Variants in TNFRSF1A observed in about 807,000 individuals in gnomAD.
TNFRSF1A encodes TNF receptor superfamily member 1A.
A neutral mutation model predicts 41.6 loss-of-function variants in TNFRSF1A; 9 were observed. The observed-to-expected ratio is 0.22, with a 90% CI of 0.13 to 0.38. TNFRSF1A has a LOEUF of 0.38. TNFRSF1A is among the 10% of genes least tolerant of loss of function. The pLI, the probability that TNFRSF1A is intolerant of heterozygous loss-of-function variation, is 1.00. For synonymous variants in TNFRSF1A, 254 were observed against 248.6 expected, an observed-to-expected ratio of 1.02 and a Z score of -0.21; for missense variants, 463 against 591.5, an observed-to-expected ratio of 0.78 and a Z score of 2.25.
At chr12:6,336,136 C>T (rs1948117050) in intron 1 of TNFRSF1A, among the ~76,000 whole-genome samples, 1 of 152,158 alleles carries the variant, frequency 6.6e-6, no homozygotes, top group Non-Finnish European at 1.5e-5. Context: ...GGGCTTGAGG[C>T]AGAGTCATGA....
intron 1 of TNFRSF1A, among the ~76,000 whole-genome samples, chr12:6,336,865 G>A (rs1450527327): frequency 2.6e-5 from 4 of 152,236 alleles, no homozygotes; most frequent in African/African-American, 2.4e-5. Flanking sequence ...TGGGTTCACC[G>A]CATTCCCACA....
intron 7 of TNFRSF1A, 132 bp from the exon 8 acceptor site, chr12:6,330,427 C>G (rs755290223): frequency 4.7e-6 from 5 of 1,061,156 alleles, no homozygotes; most frequent in Non-Finnish European, 7.3e-6. Context: ...GAGAGAGCTA[C>G]TGATGCAGCT....
rs1948135375 is a variant in TNFRSF1A at position 6,337,417 on chromosome 12, G to T, written c.40-3173C>A. 6.6e-6 allele frequency among the ~76,000 whole-genome samples: 1 copy of T among 152,196 alleles called. No individual in the cohort carries two copies. Among genetic ancestry groups the T allele is most frequent in the Non-Finnish European group, 1.5e-5 (1 of 68,040 alleles). ...ACTTCCTGTGCTGGGGCTGCAGAGT[G>T]GGGAGGCGACGCTGAGATCGGCCTT... On this transcript the variant is annotated intron_variant, in intron 1 of 9. Coordinates refer to ENST00000162749, the MANE Select transcript of TNFRSF1A (RefSeq NM_001065.4). The surrounding 1 kb of genome is among the most constrained non-coding windows in gnomAD (Gnocchi z 4.6).
chr12:6,331,235 G>A (rs55797598), intron 5 of TNFRSF1A: 6 of 443,610 alleles, frequency 1.4e-5, no homozygotes, highest in East Asian at 9.4e-5. Flanking sequence ...CCCAAGCCTC[G>A]GTTTCCTCAT....
chr12:6,329,186 G>A lies in TNFRSF1A; in HGVS notation c.*126C>T, dbSNP rs995257005. 2.1e-5 allele frequency: 20 copies of A among 949,158 alleles called. No individual in the cohort carries two copies. The highest frequency in any genetic ancestry group is 3.0e-5 in the Non-Finnish European group (20 of 674,518). The allele number at this position is 949,158 out of a possible 1,614,324, so 58.8% of individuals were successfully genotyped here. A position where few individuals can be genotyped will look rare whatever the true frequency, so the allele number is the denominator to read the frequency against. ...TGAGAAAAGCTATGTACATCGAGGG[G>A]TTAGCACCAAGTAGGCGGCTGCTAG... On this transcript the variant is annotated 3_prime_UTR_variant, in exon 10 of 10. Coordinates refer to ENST00000162749, the MANE Select transcript of TNFRSF1A (RefSeq NM_001065.4).
rs1032130122 is a variant in TNFRSF1A at position 6,334,463 on chromosome 12, T to C, written c.40-219A>G. Among the ~76,000 whole-genome samples the C allele has an allele frequency of 2.6e-5, 4 of 152,120 alleles. No individual in the cohort carries two copies. The highest frequency in any genetic ancestry group is 9.7e-5 in the African/African-American group (4 of 41,418). ...GTTCTCTAGTTGTCCTGTGTGTTCA[T>C]TTTTGTTCCCTCAACTCAAAGCTAG... On this transcript the variant is annotated intron_variant, in intron 1 of 9. Coordinates refer to ENST00000162749, the MANE Select transcript of TNFRSF1A (RefSeq NM_001065.4). The surrounding 1 kb of genome is among the most constrained non-coding windows in gnomAD (Gnocchi z 5.1).
chr12:6,341,048 T>A lies in TNFRSF1A; in HGVS notation c.39+728A>T, dbSNP rs1241531493. 6.6e-6 allele frequency among the ~76,000 whole-genome samples: 1 copy of A among 152,116 alleles called. No homozygotes were observed. Among genetic ancestry groups the A allele is most frequent in the Non-Finnish European group, 1.5e-5 (1 of 67,994 alleles). On this transcript the variant is annotated intron_variant, in intron 1 of 9. Transcript: ENST00000162749. The surrounding 1 kb of genome is among the most constrained non-coding windows in gnomAD (Gnocchi z 4.6). Reference sequence around the variant, plus strand: ...CCAGGTGGGGGTAGGACTAGCTCCCTGGGAAGGCTCAGTCCCACAGCGGCT... The same window carrying A: ...CCAGGTGGGGGTAGGACTAGCTCCCAGGGAAGGCTCAGTCCCACAGCGGCT...
At position 6,329,421 on chromosome 12, in the gene TNFRSF1A, A is replaced by T; in HGVS notation, c.1259T>A (p.Leu420Gln). 1 of 1,581,182 alleles carries T rather than the reference A, an allele frequency of 6.3e-7. No individual in the cohort carries two copies. The highest frequency in any genetic ancestry group is 1.1e-5 in the South Asian group (1 of 89,088). The change falls in exon 10 of 10, where the codon CTG becomes CAG. Residue 420 changes from leucine to glutamine, a missense_variant. Physicochemically the swap from Leu to Gln is moderately radical, Grantham distance 113 (BLOSUM62 -2). Transcript: ENST00000162749. ...RTPRREATLE[L>Q]LGRVLRDMDL... ...CATGTCGCGGAGCACGCGTCCCAGC[A>T]GCTCCAGCGTGGCCTCGCGCCGCGG... is the stretch of plus-strand genomic sequence containing the variant.
Position 6,341,964 on chromosome 12 carries a change from C to G in TNFRSF1A, c.-150G>C. ...GGTTGAGACTCGGGCATAGAGATCA[C>G]GGCCTGGTCCCAGTGATCTTGAACC... On this transcript the variant is annotated 5_prime_UTR_variant, in exon 1 of 10. Transcript: ENST00000162749. The surrounding 1 kb of genome is among the most constrained non-coding windows in gnomAD (Gnocchi z 4.6). 5.2e-6 allele frequency: 4 copies of G among 769,380 alleles called. No homozygotes were observed. The South Asian group carries it at 5.8e-5, about 11-fold the overall frequency. 47.7% of individuals were successfully genotyped at this position (769,380 alleles called of 1,614,324 possible).
chr12:6,330,459 G>C (rs770844091), intron 7 of TNFRSF1A, 139 bp downstream of exon 7: 1 of 1,003,912 alleles, frequency 1.0e-6, no homozygotes, highest in Non-Finnish European at 1.6e-6. Flanking sequence ...CAGCCATCCA[G>C]GGCCACCTTC....
rs1948007859 is a variant in TNFRSF1A, at chr12:6,329,658, AC to A, written c.1058-37del. 4 of 1,565,344 alleles carry A rather than the reference AC, an allele frequency of 2.6e-6. No homozygotes were observed. The South Asian group carries it at 3.5e-5, about 14-fold the overall frequency. ...GCGGGCCGGTGAGCCTCGGGCGGCA[AC>A]CCCAGGCCCCGCCCCGCATCCCGCG... is the stretch of plus-strand genomic sequence containing the variant. On this transcript the variant is annotated intron_variant, in intron 9 of 9. Transcript: ENST00000162749.
rs1387886951 is a variant in TNFRSF1A at position 6,330,698 on chromosome 12, C to T, written c.639G>A (p.Leu213=). The change falls in exon 7 of 10, where the codon CTG becomes CTA. Residue 213 remains leucine, a synonymous_variant. Coordinates refer to ENST00000162749, the MANE Select transcript of TNFRSF1A (RefSeq NM_001065.4). Reference sequence around the variant, plus strand: ...GACCAAAGAAAATGACCAGGGGCAACAGCACTGTGGTGCCTGCAGACAAAG... The same window carrying T: ...GACCAAAGAAAATGACCAGGGGCAATAGCACTGTGGTGCCTGCAGACAAAG... ...KGTEDSGTTV[L]LPLVIFFGLC... 2.5e-6 allele frequency: 4 copies of T among 1,613,724 alleles called. No homozygotes were observed. The highest frequency in any genetic ancestry group is 3.4e-6 in the Non-Finnish European group (4 of 1,179,672).
At position 6,333,474 on chromosome 12, in the gene TNFRSF1A, TCC is replaced by T; in HGVS notation, c.363_364del (p.Asp122HisfsTer16). 6.2e-7 allele frequency: 1 copy of T among 1,614,104 alleles called. No individual in the cohort carries two copies. Among genetic ancestry groups the T allele is most frequent in the Non-Finnish European group, 8.5e-7 (1 of 1,180,002 alleles). On this transcript the variant is annotated frameshift_variant, in exon 4 of 10. Coordinates refer to ENST00000162749, the MANE Select transcript of TNFRSF1A (RefSeq NM_001065.4). LOFTEE classifies it high-confidence loss of function. The surrounding 1 kb of genome is among the most constrained non-coding windows in gnomAD (Gnocchi z 6.3). ...GTTCTTCCTGCAGCCACACACGGTG[TCC>T]CGGTCCACTGTGCAAGAAGAGATCT...
chr12:6,334,116 C>A lies in TNFRSF1A; in HGVS notation c.168G>T (p.Ser56=), dbSNP rs104895280. 3 of 1,614,174 alleles carry A rather than the reference C, an allele frequency of 1.9e-6. No homozygotes were observed. The highest frequency in any genetic ancestry group is 2.5e-6 in the Non-Finnish European group (3 of 1,180,036). ...QGKYIHPQNN[S]ICCTKCHKGT... ...CTTTGTGGCACTTGGTACAGCAAAT[C>A]GAATTATTTTGAGGGTGGATATATT... Residue 56 remains serine, a synonymous_variant, in exon 2 of 10, where the codon TCG becomes TCT. Transcript: ENST00000162749. The surrounding 1 kb of genome is among the most constrained non-coding windows in gnomAD (Gnocchi z 5.1).
intron 5 of TNFRSF1A, 186 bp from the exon 6 acceptor site, chr12:6,331,112 T>C (rs761934067): frequency 2.3e-5 from 15 of 648,702 alleles, no homozygotes; most frequent in Non-Finnish European, 3.9e-5. Flanking sequence ...AATTTTAGAA[T>C]TGGCAGGGAT....
intron 1 of TNFRSF1A, among the ~76,000 whole-genome samples, chr12:6,339,275 C>G (rs186374404): frequency 6.6e-6 from 1 of 152,304 alleles, no homozygotes; most frequent in East Asian, 1.9e-4. Context: ...AGCTCCACAT[C>G]CACTTTTCTA....
Position 6,333,183 on chromosome 12 carries a change from C to T in TNFRSF1A, c.473-36G>A, listed in dbSNP as rs753538316. ...AAGTGCGGCACAGCTAAAGGAGAAG[C>T]GCCTGCACCCCCACCCCACAGGACA... On this transcript the variant is annotated intron_variant, in intron 4 of 9. Coordinates refer to ENST00000162749, the MANE Select transcript of TNFRSF1A (RefSeq NM_001065.4). This position sits in a 1 kb window ranked among gnomAD's most constrained non-coding sequence, Gnocchi z 6.3. 6 of 1,603,076 alleles carry T rather than the reference C, an allele frequency of 3.7e-6. No individual in the cohort carries two copies. The highest frequency in any genetic ancestry group is 2.2e-5 in the East Asian group (1 of 44,830).
chr12:6,341,868 G>T lies in TNFRSF1A; in HGVS notation c.-54C>A. 1 of 1,606,920 alleles carries T rather than the reference G, an allele frequency of 6.2e-7. No homozygotes were observed. ...CATTTGGGCTCAGGGCAGTGTGGCA[G>T]CGGCAGTGCTGGGGCTTCCCGGGAC... On this transcript the variant is annotated 5_prime_UTR_variant, in exon 1 of 10. It adds an upstream start codon to the 5' untranslated region. Coordinates refer to ENST00000162749, the MANE Select transcript of TNFRSF1A (RefSeq NM_001065.4). The surrounding 1 kb of genome is among the most constrained non-coding windows in gnomAD (Gnocchi z 4.6).
rs201654649 is a variant in TNFRSF1A at position 6,329,450 on chromosome 12, G to C, written c.1230C>G (p.Arg410=). The C allele has an allele frequency of 1.3e-6, 2 of 1,589,224 alleles. No homozygotes were observed. Among genetic ancestry groups the C allele is most frequent in the African/African-American group, 1.3e-5 (1 of 74,144 alleles). Reference sequence around the variant, plus strand: ...CCAGCGTGGCCTCGCGCCGCGGCGTGCGCCGCCTCCAGGTCGCCAGCATGC... The same window carrying C: ...CCAGCGTGGCCTCGCGCCGCGGCGTCCGCCGCCTCCAGGTCGCCAGCATGC... ...QYSMLATWRR[R]TPRREATLEL... Residue 410 remains arginine (R), a synonymous_variant, in exon 10 of 10, where the codon CGC becomes CGG. Coordinates refer to ENST00000162749, the MANE Select transcript of TNFRSF1A (RefSeq NM_001065.4).
Sources: allele counts gnomAD v4.1 joint callset (sites outside exome capture counted in the v4.1 genomes callset), GRCh38; gene constraint gnomAD v4.1.1; non-coding constraint Gnocchi (gnomAD v3.1); transcripts MANE v1.5; gene names NCBI Gene and HGNC (gene_info 2026-07-23, HGNC 2026-07-21).